DNAJB6: variants seen among roughly 807,000 people sequenced by gnomAD.
The protein encoded by DNAJB6 is DnaJ heat shock protein family (Hsp40) member B6.
Under a neutral mutation model 42.7 loss-of-function variants are expected in DNAJB6, and 16 were observed. The ratio of observed to expected loss-of-function variants is 0.37; its 90% confidence interval spans 0.25 to 0.57. The LOEUF is 0.57. Among genes scored for constraint, DNAJB6 ranks in the 20% least tolerant of loss-of-function variants. The pLI, the probability that DNAJB6 is intolerant of heterozygous loss-of-function variation, is 0.74. For missense variants in DNAJB6, 347 were observed against 416.8 expected (o/e 0.83, Z 1.46); for synonymous variants, 170 against 163.5 (o/e 1.04, Z -0.30).
chr7:157,385,240 C>T (rs1181675402), intron 7 of DNAJB6, among the ~76,000 whole-genome samples: 4 of 108,878 alleles, frequency 3.7e-5, no homozygotes, highest in African/African-American at 6.2e-5. Context: ...TAAGTTTCTG[C>T]AGCATTGTTA....
intron 9 of DNAJB6, 26 bp downstream of exon 9, chr7:157,410,027 G>A: frequency 6.6e-7 from 1 of 1,510,024 alleles, no homozygotes; most frequent in Non-Finnish European, 8.8e-7. Context: ...CAGCCGTGGA[G>A]CAGGCGCAGA....
chr7:157,347,486 TGCACGTGACTGTGCTCG>T (rs1170180099), intron 1 of DNAJB6, among the ~76,000 whole-genome samples: 7 of 152,160 alleles, frequency 4.6e-5, no homozygotes, highest in Admixed American at 1.3e-4. Flanking sequence ...GGACTTTAGG[TGCACGTGACTGTGCTCG>T]GCTCAGACTT....
intron 5 of DNAJB6, among the ~76,000 whole-genome samples, chr7:157,367,860 C>CA (rs781409229): frequency 1.6e-3 from 221 of 141,896 alleles, no homozygotes; most frequent in Admixed American, 2.3e-3. Flanking sequence ...ACTCCTGTCT[C>CA]AAAAAAAAAA....
intron 8 of DNAJB6, among the ~76,000 whole-genome samples, chr7:157,399,671 C>T (rs1801755941): frequency 6.6e-6 from 1 of 152,044 alleles, no homozygotes; most frequent in Non-Finnish European, 1.5e-5. Flanking sequence ...CTCTCTCTAT[C>T]TGTATTTTTT....
intron 8 of DNAJB6, among the ~76,000 whole-genome samples, chr7:157,392,209 A>ATGT (rs1801380859): frequency 1.3e-5 from 2 of 152,064 alleles, no homozygotes; most frequent in African/African-American, 4.8e-5. Context: ...CTGTCTGTCA[A>ATGT]CAGTTTCTAA....
intron 8 of DNAJB6, among the ~76,000 whole-genome samples, chr7:157,401,200 G>T (rs1299539081): frequency 6.6e-6 from 1 of 152,080 alleles, no homozygotes; most frequent in African/African-American, 2.4e-5. Flanking sequence ...TCGTGTACAT[G>T]ATTTATATAA....
intron 9 of DNAJB6, chr7:157,410,870 C>T (rs1485669133): frequency 6.6e-6 from 1 of 152,338 alleles, no homozygotes; most frequent in Middle Eastern, 3.4e-3. Flanking sequence ...GGAAGCGTCT[C>T]TCCTTTTCCC....
intron 5 of DNAJB6, among the ~76,000 whole-genome samples, chr7:157,370,327 C>T (rs542432304): frequency 4.6e-5 from 7 of 152,080 alleles, no homozygotes; most frequent in African/African-American, 1.7e-4. Flanking sequence ...TAAACGGGCC[C>T]CTTCTTAACA....
intron 1 of DNAJB6, among the ~76,000 whole-genome samples, chr7:157,348,242 A>AATGTG: frequency 6.6e-6 from 1 of 150,952 alleles, no homozygotes; most frequent in Non-Finnish European, 1.5e-5. Flanking sequence ...ACAGGCGCCC[A>AATGTG]CCACCTTGCC....
At chr7:157,410,142 G>A (rs1209075172) in intron 9 of DNAJB6, 141 bp downstream of exon 9, 5 of 1,411,822 alleles carry the variant, frequency 3.5e-6, no homozygotes, top group Non-Finnish European at 2.8e-6. Flanking sequence ...GCGGGAGGAG[G>A]TAGCCTCGCT....
chr7:157,415,752 T>C (rs1014765256), intron 9 of DNAJB6, among the ~76,000 whole-genome samples: 34 of 152,208 alleles, frequency 2.2e-4, no homozygotes, highest in African/African-American at 8.2e-4. Context: ...CAGGGTGGGC[T>C]TTTAGCTCTG....
At chr7:157,337,902 A>G (rs1340056439) in intron 1 of DNAJB6, 1 of 145,900 alleles carries the variant, frequency 6.9e-6, no homozygotes. Flanking sequence ...TGGGTTTGCT[A>G]GTCAGACGTA....
chr7:157,369,075 C>T (rs1799983592), intron 5 of DNAJB6: 3 of 363,158 alleles, frequency 8.3e-6, no homozygotes, highest in African/African-American at 6.4e-5. Context: ...GAAGGACAGT[C>T]AGTGGCCTCA....
chr7:157,346,544 T>G (rs1212727068), intron 1 of DNAJB6, among the ~76,000 whole-genome samples: 1 of 152,204 alleles, frequency 6.6e-6, no homozygotes, highest in African/African-American at 2.4e-5. Context: ...ATCAGTTTTT[T>G]TTAAACACTG....
At chr7:157,373,714 G>A (rs927948662) in intron 5 of DNAJB6, among the ~76,000 whole-genome samples, 1 of 152,214 alleles carries the variant, frequency 6.6e-6, no homozygotes, top group Non-Finnish European at 1.5e-5. Flanking sequence ...GAGTGGCACA[G>A]CAGATTGGAT....
chr7:157,389,115 T>C (rs1388885527), intron 8 of DNAJB6, among the ~76,000 whole-genome samples: 1 of 152,228 alleles, frequency 6.6e-6, no homozygotes, highest in Non-Finnish European at 1.5e-5. Context: ...TTCCTTACAA[T>C]GTGGAAACGC....
intron 8 of DNAJB6, among the ~76,000 whole-genome samples, chr7:157,402,124 T>C (rs1035241365): frequency 3.9e-5 from 6 of 152,214 alleles, no homozygotes; most frequent in Non-Finnish European, 7.3e-5. Context: ...TCATCCTCGT[T>C]GTATTTTCTT....
chr7:157,414,814 A>G (rs750929556), intron 9 of DNAJB6: 3 of 152,286 alleles, frequency 2.0e-5, no homozygotes, highest in Non-Finnish European at 4.4e-5. Flanking sequence ...CACATTTGAA[A>G]GTCCACATGT....
At chr7:157,348,608 G>GC (rs1798808905) in intron 1 of DNAJB6, among the ~76,000 whole-genome samples, 1 of 152,082 alleles carries the variant, frequency 6.6e-6, no homozygotes, top group South Asian at 2.1e-4. Flanking sequence ...TCGTAACCCT[G>GC]CCGTCCAGTC....
Sources: allele counts gnomAD v4.1 joint callset (sites outside exome capture counted in the v4.1 genomes callset), GRCh38; gene constraint gnomAD v4.1.1; transcripts MANE v1.5; gene names NCBI Gene and HGNC (gene_info 2026-07-23, HGNC 2026-07-21).